CHAF1A: variants seen among roughly 807,000 people sequenced by gnomAD.
The protein encoded by CHAF1A is CAF-1 subunit A.
In CHAF1A, 5 loss-of-function variants were observed where a neutral mutation model predicts 93.2. The observed-to-expected ratio is 0.05, with a 90% CI of 0.03 to 0.11. The LOEUF is 0.11. Among genes scored for constraint, CHAF1A ranks in the 10% least tolerant of loss-of-function variants. CHAF1A has a pLI of 1.00. For missense variants in CHAF1A, 1,102 were observed against 1,259.9 expected, an observed-to-expected ratio of 0.87 and a Z score of 1.90; for synonymous variants, 504 against 510.3, an observed-to-expected ratio of 0.99 and a Z score of 0.17.
chr19:4,429,728 G>T lies in CHAF1A; in HGVS notation c.1794G>T (p.Val598=). The change falls in exon 10 of 15, where the codon GTG becomes GTT. Residue 598 remains valine (V), a synonymous_variant. Transcript: ENST00000301280. ...CTCAGAAGCTCCTGGACTATGAGGT[G>T]GACAGTGATGAGGAGTGGGAAGAAG... is the stretch of plus-strand genomic sequence containing the variant. ...AQDTKLLDYE[V]DSDEEWEEEE... is the part of the protein sequence containing the mutation. The T allele has an allele frequency of 6.2e-7, 1 of 1,614,098 alleles. No individual in the cohort carries two copies. Among genetic ancestry groups the T allele is most frequent in the Non-Finnish European group, 8.5e-7 (1 of 1,180,022 alleles).
chr19:4,425,665 C>A (rs1214900423), intron 7 of CHAF1A, among the ~76,000 whole-genome samples: 1 of 152,184 alleles, frequency 6.6e-6, no homozygotes, highest in Non-Finnish European at 1.5e-5. Flanking sequence ...ACCTCTTTGC[C>A]CCTCAGTGGT....
At chr19:4,434,708 TA>T (rs1340785971) in intron 13 of CHAF1A, among the ~76,000 whole-genome samples, 1 of 152,200 alleles carries the variant, frequency 6.6e-6, no homozygotes, top group Non-Finnish European at 1.5e-5. Context: ...GTAGCATTTT[TA>T]TTTTTGTTCA....
intron 14 of CHAF1A, among the ~76,000 whole-genome samples, chr19:4,442,568 G>A (rs951009326): frequency 6.6e-6 from 1 of 152,244 alleles, no homozygotes; most frequent in African/African-American, 2.4e-5. Context: ...CCTATGCTGG[G>A]AGTCTCAGGT....
rs760205920 is a variant in CHAF1A at position 4,409,260 on chromosome 19, C to G, written c.461C>G (p.Thr154Ser). ...GCAATAAATGGCCAGCGAGAAGACA[C>G]TGGGGATCAGCAGGGGTTGTTGAAG... ...REAINGQRED[T>S]GDQQGLLKAI... The change falls in exon 3 of 15, where the codon ACT (threonine) becomes AGT (serine). Residue 154 changes from threonine to serine, a missense_variant. Thr to Ser is a moderately conservative substitution (Grantham distance 58). Transcript: ENST00000301280. The G allele has an allele frequency of 1.8e-5, 29 of 1,614,024 alleles. No individual in the cohort carries two copies. The highest frequency in any genetic ancestry group is 1.2e-4 in the African/African-American group (9 of 74,902).
chr19:4,409,382 A>G lies in CHAF1A; in HGVS notation c.583A>G (p.Arg195Gly), dbSNP rs766944883. Residue 195 changes from arginine to glycine, a missense_variant, in exon 3 of 15, where the codon AGG becomes GGG. This residue lies in a region of CHAF1A where 379 missense variants were observed against 365.7 expected (regional missense o/e 1.04). Coordinates refer to ENST00000301280, the MANE Select transcript of CHAF1A (RefSeq NM_005483.3). ...GGGTGTTGGCTGTGGAGGTGCAGGG[A>G]GGAGAGGCGACTCCCAGGAATGTTC... Reference protein sequence around the residue: ...EEGVGCGGAGRRGDSQECSPR... With the variant: ...EEGVGCGGAGGRGDSQECSPR... 1 of 1,614,046 alleles carries G rather than the reference A, an allele frequency of 6.2e-7. No homozygotes were observed. Among genetic ancestry groups the G allele is most frequent in the Non-Finnish European group, 8.5e-7 (1 of 1,180,012 alleles).
In CHAF1A at chr19:4,432,106, T is replaced by C; in HGVS notation, c.2102T>C (p.Leu701Pro). The C allele has an allele frequency of 6.2e-7, 1 of 1,613,918 alleles. No homozygotes were observed. The highest frequency in any genetic ancestry group is 1.1e-5 in the South Asian group (1 of 91,074). ...AADRDCAGDD[L>P]KVLQQFAACF... ...GACAGAGACTGCGCAGGCGATGACC[T>C]GAAGGTACTGCAGCAGTTCGCAGCC... Residue 701 changes from leucine to proline, a missense_variant, in exon 12 of 15, where the codon CTG becomes CCG. Around this residue, in one of 6 missense-constraint regions of CHAF1A, gnomAD observed 335 missense variants for 361.9 expected, o/e 0.93. Coordinates refer to ENST00000301280, the MANE Select transcript of CHAF1A (RefSeq NM_005483.3).
intron 3 of CHAF1A, among the ~76,000 whole-genome samples, chr19:4,416,312 C>T (rs1445781491): frequency 6.6e-6 from 1 of 152,238 alleles, no homozygotes; most frequent in African/African-American, 2.4e-5. Context: ...TCTTCCCACT[C>T]TTAAGCGTCT....
chr19:4,446,855 C>G (rs1974542092), downstream of CHAF1A: 1 of 1,613,950 alleles, frequency 6.2e-7, no homozygotes, highest in Non-Finnish European at 8.5e-7. Context: ...GGGCGGGAAG[C>G]AACACCTTCT....
intron 2 of CHAF1A, among the ~76,000 whole-genome samples, chr19:4,408,513 G>A (rs141442598): frequency 4.6e-5 from 5 of 107,986 alleles, no homozygotes; most frequent in Non-Finnish European, 6.8e-5. Context: ...TGTCTCTGTC[G>A]CCCAGGCTAC....
intron 3 of CHAF1A, among the ~76,000 whole-genome samples, chr19:4,417,204 C>T (rs1034527073): frequency 3.9e-5 from 6 of 152,028 alleles, no homozygotes; most frequent in Non-Finnish European, 8.8e-5. Flanking sequence ...CTCCTGGGCT[C>T]AAGTGATCCT....
chr19:4,424,930 C>T (rs996394067), intron 7 of CHAF1A, among the ~76,000 whole-genome samples: 6 of 152,112 alleles, frequency 3.9e-5, no homozygotes, highest in African/African-American at 7.2e-5. Flanking sequence ...CCACCGTGCC[C>T]GGCCTAATTT....
Position 4,433,561 on chromosome 19 carries a change from G to T in CHAF1A, c.2673+22G>T. The T allele has an allele frequency of 1.3e-6, 2 of 1,527,516 alleles. No homozygotes were observed. The highest frequency in any genetic ancestry group is 1.2e-5 in the South Asian group (1 of 82,674). 94.6% of individuals were successfully genotyped at this position (1,527,516 alleles called of 1,614,324 possible). ...CCAGGTGAGGTGGGGTGGGCAGGTGGGGGCCTCTGCAGGGCTTTTCTTTTT... is the reference window on the plus strand; with the variant it reads ...CCAGGTGAGGTGGGGTGGGCAGGTGTGGGCCTCTGCAGGGCTTTTCTTTTT... On this transcript the variant is annotated intron_variant, in intron 13 of 14. Coordinates refer to ENST00000301280, the MANE Select transcript of CHAF1A (RefSeq NM_005483.3). This position sits in a 1 kb window ranked among gnomAD's most constrained non-coding sequence, Gnocchi z 5.6.
chr19:4,447,868 T>C (rs1024031363), downstream of CHAF1A: 4 of 552,054 alleles, frequency 7.2e-6, no homozygotes, highest in African/African-American at 5.7e-5. Flanking sequence ...CCACCAGCCC[T>C]GGAAGGGCAC....
At chr19:4,406,100 T>C in intron 2 of CHAF1A, 138 bp downstream of exon 2, 1 of 710,122 alleles carries the variant, frequency 1.4e-6, no homozygotes, top group Non-Finnish European at 2.5e-6. Context: ...GGGAAAATGC[T>C]TTTCACACAG....
At position 4,433,323 on chromosome 19, in the gene CHAF1A, C is replaced by T. The variant is rs779902743; in HGVS notation, c.2457C>T (p.Tyr819=). ...EKRPDFRMCW[Y]VHPQVLQSFQ... ...GGCCTGACTTCAGGATGTGCTGGTA[C>T]GTGCACCCGCAGGTGCTACAGAGCT... Residue 819 remains tyrosine (Y), a synonymous_variant, in exon 13 of 15, where the codon TAC becomes TAT. Coordinates refer to ENST00000301280, the MANE Select transcript of CHAF1A (RefSeq NM_005483.3). The surrounding 1 kb of genome is among the most constrained non-coding windows in gnomAD (Gnocchi z 5.6). 14 of 1,614,010 alleles carry T rather than the reference C, an allele frequency of 8.7e-6. No individual in the cohort carries two copies. Among genetic ancestry groups the T allele is most frequent in the Middle Eastern group, 1.6e-4 (1 of 6,084 alleles).
Position 4,429,586 on chromosome 19 carries a change from G to T in CHAF1A, c.1753G>T (p.Asp585Tyr), listed in dbSNP as rs1974144200. Residue 585 changes from aspartate to tyrosine, a missense_variant, in exon 9 of 15, where the codon GAC becomes TAC. This residue lies in a region of CHAF1A where 335 missense variants were observed against 361.9 expected (regional missense o/e 0.93). Coordinates refer to ENST00000301280, the MANE Select transcript of CHAF1A (RefSeq NM_005483.3). ...GAAGACGGCACTCATCCGCGCGCGA[G>T]ACCCCTGGGCCCAGGACACGGTGAG... ...NKKTALIRAR[D>Y]PWAQDTKLLD... The T allele has an allele frequency of 1.2e-6, 2 of 1,614,136 alleles. No individual in the cohort carries two copies. Among genetic ancestry groups the T allele is most frequent in the Non-Finnish European group, 1.7e-6 (2 of 1,180,028 alleles).
At chr19:4,442,708 C>T (rs1051456795) in intron 14 of CHAF1A, among the ~76,000 whole-genome samples, 7 of 152,218 alleles carry the variant, frequency 4.6e-5, no homozygotes, top group Non-Finnish European at 8.8e-5. Flanking sequence ...GAGGAGTGTG[C>T]CCGGGTGGTG....
chr19:4,428,486 G>GC (rs1369107213), intron 7 of CHAF1A, among the ~76,000 whole-genome samples, 178 bp from the exon 8 acceptor site: 1 of 152,108 alleles, frequency 6.6e-6, no homozygotes, highest in African/African-American at 2.4e-5. Flanking sequence ...CTGCCAATCT[G>GC]CCCTCTGCCC....
At chr19:4,418,878 C>G (rs930775888) in intron 4 of CHAF1A, among the ~76,000 whole-genome samples, 1 of 151,318 alleles carries the variant, frequency 6.6e-6, no homozygotes, top group African/African-American at 2.4e-5. Context: ...TTTGTTTTGT[C>G]TTTGAGACGG....
Sources: allele counts gnomAD v4.1 joint callset (sites outside exome capture counted in the v4.1 genomes callset), GRCh38; gene constraint gnomAD v4.1.1; regional missense constraint gnomAD v4.1.1; non-coding constraint Gnocchi (gnomAD v3.1); transcripts MANE v1.5; gene names NCBI Gene and HGNC (gene_info 2026-07-23, HGNC 2026-07-21).